Variants in XKRX observed in about 807,000 individuals in gnomAD.
XKRX encodes XK related X-linked, also known as XK-related protein 2.
In XKRX, 11 loss-of-function variants were observed where a neutral mutation model predicts 22.4. That is an observed-to-expected ratio of 0.49 (90% confidence interval 0.31 to 0.81). The LOEUF is 0.81. Among genes scored for constraint, XKRX ranks in the 40% least tolerant of loss-of-function variants. The probability of loss-of-function intolerance (pLI) is 0.05; values close to 1 mark genes in which losing one functional copy is unlikely to be tolerated. For missense variants in XKRX, 320 were observed against 336.5 expected, an observed-to-expected ratio of 0.95 and a Z score of 0.38; for synonymous variants, 114 against 132.2, an observed-to-expected ratio of 0.86 and a Z score of 0.94.
the XKRX span, among the ~76,000 whole-genome samples, chrX:100,900,997 A>G: frequency 2.8e-5 from 3 of 108,463 alleles, no homozygotes; most frequent in Non-Finnish European, 3.8e-5. Flanking sequence ...TTACCGTGTT[A>G]GCCAGGATGG....
At chrX:100,949,379 TGAGA>T in the XKRX span, among the ~76,000 whole-genome samples, 2 of 97,994 alleles carry the variant, frequency 2.0e-5, no homozygotes, top group Non-Finnish European at 2.0e-5. Flanking sequence ...TTTTTTTTTT[TGAGA>T]GAGACGGAGT....
At chrX:100,891,596 T>C in the XKRX span, among the ~76,000 whole-genome samples, 1 of 109,557 alleles carries the variant, frequency 9.1e-6, no homozygotes, top group East Asian at 2.9e-4. Context: ...GTCTCTTCAA[T>C]AAATGATTTT....
chrX:100,899,121 C>T, the XKRX span, among the ~76,000 whole-genome samples: 1 of 112,334 alleles, frequency 8.9e-6, no homozygotes, highest in African/African-American at 3.2e-5. Flanking sequence ...AAGCATGGCC[C>T]ATATGTATAC....
At chrX:100,903,635 T>C in the XKRX span, among the ~76,000 whole-genome samples, 2 of 112,204 alleles carry the variant, frequency 1.8e-5, no homozygotes, top group African/African-American at 6.5e-5. Flanking sequence ...TTTTGGATTT[T>C]GGACATTCTA....
the XKRX span, among the ~76,000 whole-genome samples, chrX:100,953,251 G>A: frequency 9.0e-6 from 1 of 111,670 alleles, no homozygotes; most frequent in African/African-American, 3.3e-5. Flanking sequence ...CTGCACCACT[G>A]CACTCCAGCC....
chrX:100,900,633 T>C, the XKRX span, among the ~76,000 whole-genome samples: 11 of 108,632 alleles, frequency 1.0e-4, no homozygotes, highest in Non-Finnish European at 1.5e-4. Context: ...GAGACCTCGC[T>C]TCTGTAAAAT....
upstream of XKRX, among the ~76,000 whole-genome samples, chrX:100,930,322 A>G (rs181859544): frequency 0.075 from 6,598 of 87,718 alleles, 373 homozygotes; most frequent in East Asian, 0.21. Context: ...TAATAATAAT[A>G]ATAATGATGA....
downstream of XKRX, among the ~76,000 whole-genome samples, chrX:100,909,955 G>A (rs186628277): frequency 1.7e-4 from 17 of 99,936 alleles, 1 homozygote; most frequent in African/African-American, 5.8e-4. Flanking sequence ...ACCTAGTACC[G>A]TGCCAGGAAT....
upstream of XKRX, among the ~76,000 whole-genome samples, chrX:100,932,474 A>G (rs1163144982): frequency 1.8e-5 from 2 of 112,137 alleles, no homozygotes; most frequent in African/African-American, 6.5e-5. Context: ...TCTGCAAGAA[A>G]GGGGAAGAAC....
At chrX:100,923,876 G>A (rs1437508298) in intron 1 of XKRX, among the ~76,000 whole-genome samples, 52 of 91,089 alleles carry the variant, frequency 5.7e-4, no homozygotes, top group Non-Finnish European at 9.9e-4. Context: ...TTGCTCTGTC[G>A]CCCAGGCTGG....
At chrX:100,909,780 G>C (rs917576428), downstream of XKRX, among the ~76,000 whole-genome samples, 1 of 109,387 alleles carries the variant, frequency 9.1e-6, no homozygotes, top group Non-Finnish European at 1.9e-5. Flanking sequence ...GCGGGTGCCT[G>C]TAATTCCAGC....
chrX:100,923,894 T>C (rs1207247343), intron 1 of XKRX, among the ~76,000 whole-genome samples: 2 of 100,998 alleles, frequency 2.0e-5, no homozygotes, highest in African/African-American at 3.6e-5. Flanking sequence ...TGGAGTGCAC[T>C]GGCGCGATCT....
intron 2 of XKRX, among the ~76,000 whole-genome samples, chrX:100,921,224 G>T (rs1043866117): frequency 9.0e-6 from 1 of 110,935 alleles, no homozygotes; most frequent in African/African-American, 3.3e-5. Context: ...TTTTAGTAGA[G>T]ATGGGGTTTC....
the XKRX span, among the ~76,000 whole-genome samples, chrX:100,898,780 A>G: frequency 9.0e-6 from 1 of 110,722 alleles, no homozygotes; most frequent in Non-Finnish European, 1.9e-5. Context: ...CCCCCAAAAA[A>G]GAGCCAATCT....
chrX:100,941,865 A>G, the XKRX span, among the ~76,000 whole-genome samples: 2 of 111,678 alleles, frequency 1.8e-5, no homozygotes, highest in South Asian at 7.5e-4. Context: ...TGGGTTTCAA[A>G]TGTAAATATC....
At chrX:100,954,927 T>C in the XKRX span, among the ~76,000 whole-genome samples, 41 of 112,000 alleles carry the variant, frequency 3.7e-4, no homozygotes, top group African/African-American at 1.0e-3. Flanking sequence ...GGCTAGTGGC[T>C]GTTAAGTGAT....
Position 100,914,873 on chromosome X carries a change from A to G in XKRX, c.815T>C (p.Phe272Ser). The change falls in exon 3 of 3, where the codon TTC becomes TCC. Residue 272 changes from phenylalanine (F) to serine (S), a missense_variant. By Grantham distance (155) the Phe-to-Ser change is radical (BLOSUM62 -2). Transcript: ENST00000372956. ...GATGATCAGGAAGTTGAGCACTAGGAAGGGCACAGCCTTCAATTTCAAAGT... is the reference window on the plus strand; with the variant it reads ...GATGATCAGGAAGTTGAGCACTAGGGAGGGCACAGCCTTCAATTTCAAAGT... ...SATLKLKAVP[F>S]LVLNFLIILF... 8.3e-7 allele frequency: 1 copy of G among 1,211,871 alleles called. No homozygotes were observed. The highest frequency in any genetic ancestry group is 1.1e-6 in the Non-Finnish European group (1 of 895,578).
the XKRX span, among the ~76,000 whole-genome samples, chrX:100,937,548 G>A: frequency 2.7e-5 from 3 of 111,586 alleles, no homozygotes; most frequent in African/African-American, 9.8e-5. Context: ...ACTATACTTC[G>A]AGAAAAACTG....
At chrX:100,898,599 A>AC in the XKRX span, among the ~76,000 whole-genome samples, 8 of 62,644 alleles carry the variant, frequency 1.3e-4, no homozygotes, top group Non-Finnish European at 2.7e-4. Context: ...AACAACAACA[A>AC]AAAAAAAAAA....
Sources: gnomAD v4.1 joint callset for allele counts (sites outside exome capture counted in the v4.1 genomes callset) on GRCh38, gnomAD v4.1.1 for gene constraint, MANE v1.5 for transcripts, NCBI Gene and HGNC (gene_info 2026-07-23, HGNC 2026-07-21) for gene names.